Variants in QPCT observed in about 807,000 individuals in gnomAD.
The protein encoded by QPCT is EC.
Under a neutral mutation model 43.4 loss-of-function variants are expected in QPCT, and 44 were observed. The observed-to-expected ratio is 1.01, with a 90% confidence interval of 0.80 to 1.30. The LOEUF is 1.30. Among genes scored for constraint, QPCT ranks in the 50% most tolerant of loss-of-function variants. The pLI is 0.00. For missense variants in QPCT, 526 were observed against 436.5 expected (o/e 1.21, Z -1.83); for synonymous variants, 168 against 168.4 (o/e 1.00, Z 0.02).
chr2:37,359,103 C>T (rs7606760), intron 2 of QPCT, among the ~76,000 whole-genome samples: 20,260 of 152,080 alleles, frequency 0.13, 4,168 homozygotes, highest in African/African-American at 0.44. Flanking sequence ...TTACTATTAC[C>T]GAACTGCATC....
rs1672844490 is a variant in QPCT at position 37,360,763 on chromosome 2, T to G, written c.546+905T>G. ...CCCTCTCAGTCTCCTTTTCACTTCT[T>G]TTTTTTGGTTTGTTTTGTTTTCTGA... On this transcript the variant is annotated intron_variant, in intron 3 of 6. Coordinates refer to ENST00000338415, the MANE Select transcript of QPCT (RefSeq NM_012413.4). 2.0e-5 allele frequency among the ~76,000 whole-genome samples: 3 copies of G among 152,276 alleles called. No individual in the cohort carries two copies. In the South Asian group the frequency reaches 6.2e-4, roughly 32 times the overall value.
intron 3 of QPCT, 25 bp from the exon 4 acceptor site, chr2:37,367,205 CTA>C (rs772419328): frequency 1.3e-6 from 2 of 1,575,014 alleles, no homozygotes; most frequent in African/African-American, 2.7e-5. Flanking sequence ...TATTTTTTTG[CTA>C]TGTTTTTATT....
intron 4 of QPCT, chr2:37,368,594 C>T (rs1287408079): frequency 2.1e-6 from 1 of 471,036 alleles, no homozygotes; most frequent in Non-Finnish European, 4.4e-6. Flanking sequence ...CCTAACACAC[C>T]TCCTGTTGGC....
Position 37,347,442 on chromosome 2 carries a change from T to A in QPCT, c.120+2591T>A, listed in dbSNP as rs191398544. 7.6e-4 allele frequency among the ~76,000 whole-genome samples: 115 copies of A among 151,458 alleles called. No individual in the cohort carries two copies. In the East Asian group the frequency reaches 0.014, roughly 18 times the overall value. ...CTAATGGTAGATGAGTCCTGGCTGA[T>A]GTACCCGGAACAGTGCCCAGGTAGT... On this transcript the variant is annotated intron_variant, in intron 1 of 6. Transcript: ENST00000338415.
intron 3 of QPCT, 151 bp from the exon 4 acceptor site, chr2:37,367,081 G>T (rs956276339): frequency 3.1e-5 from 23 of 737,070 alleles, no homozygotes; most frequent in Non-Finnish European, 4.8e-5. Flanking sequence ...AAGAGGAAGT[G>T]GTGTGGAATA....
chr2:37,364,884 A>G (rs990465447), intron 3 of QPCT, among the ~76,000 whole-genome samples: 1 of 151,594 alleles, frequency 6.6e-6, no homozygotes, highest in Middle Eastern at 3.5e-3. Context: ...ATTTACATGT[A>G]TGTGTGTGTT....
intron 3 of QPCT, 74 bp downstream of exon 3, chr2:37,359,932 T>A: frequency 6.8e-7 from 1 of 1,468,718 alleles, no homozygotes; most frequent in Non-Finnish European, 9.3e-7. Context: ...CTAGAATCCT[T>A]GGAGGAATGA....
intron 4 of QPCT, among the ~76,000 whole-genome samples, chr2:37,369,006 G>A (rs139153753): frequency 0.013 from 2,019 of 152,096 alleles, 11 homozygotes; most frequent in Middle Eastern, 0.024. Context: ...TATCTAATAT[G>A]TGTTAGGATG....
chr2:37,359,325 A>G (rs1045641038), intron 2 of QPCT, among the ~76,000 whole-genome samples: 2 of 152,250 alleles, frequency 1.3e-5, no homozygotes, highest in Non-Finnish European at 2.9e-5. Context: ...AATATTAACA[A>G]TTGGTTGAGA....
intron 3 of QPCT, 145 bp downstream of exon 3, chr2:37,360,003 T>G: frequency 1.1e-6 from 1 of 885,354 alleles, no homozygotes; most frequent in Non-Finnish European, 1.7e-6. Context: ...AATTGTAAGA[T>G]TGCATGATTG....
chr2:37,371,760 T>C (rs1251382020), intron 5 of QPCT, among the ~76,000 whole-genome samples: 1 of 152,182 alleles, frequency 6.6e-6, no homozygotes, highest in African/African-American at 2.4e-5. Flanking sequence ...CACAGATTGC[T>C]GGACTCCAGC....
intron 1 of QPCT, among the ~76,000 whole-genome samples, chr2:37,346,505 T>C (rs1275205808): frequency 6.6e-6 from 1 of 152,168 alleles, no homozygotes; most frequent in Non-Finnish European, 1.5e-5. Context: ...TCTGAAAAGA[T>C]CATTTGTAGG....
chr2:37,351,133 T>C (rs1272471207), intron 1 of QPCT, among the ~76,000 whole-genome samples: 1 of 152,248 alleles, frequency 6.6e-6, no homozygotes, highest in Non-Finnish European at 1.5e-5. Flanking sequence ...ACCAGTCCCA[T>C]GGAGTCGATC....
At chr2:37,371,257 T>C (rs1673067338) in intron 5 of QPCT, among the ~76,000 whole-genome samples, 1 of 151,940 alleles carries the variant, frequency 6.6e-6, no homozygotes, top group East Asian at 1.9e-4. Flanking sequence ...TTTTATTATG[T>C]CCTGTACCAG....
Position 37,372,456 on chromosome 2 carries a change from T to C in QPCT, c.924T>C (p.Ile308=). 6.2e-7 allele frequency: 1 copy of C among 1,613,092 alleles called. No homozygotes were observed. The highest frequency in any genetic ancestry group is 8.5e-7 in the Non-Finnish European group (1 of 1,179,096). ...GAGGTGTGATTCAGGATGACCATAT[T>C]CCATTTTTAAGAAGAGGTAATGTGT... The part of the protein sequence containing the change: ...SYGGVIQDDH[I]PFLRRGVPVL... Residue 308 remains isoleucine (I), a synonymous_variant, in exon 6 of 7, where the codon ATT becomes ATC. Transcript: ENST00000338415.
intron 3 of QPCT, among the ~76,000 whole-genome samples, chr2:37,364,368 A>G (rs1672913937): frequency 6.6e-6 from 1 of 152,204 alleles, no homozygotes; most frequent in South Asian, 2.1e-4. Context: ...ACAAACAGAT[A>G]GGCAGCAGGC....
intron 1 of QPCT, among the ~76,000 whole-genome samples, chr2:37,348,732 G>A (rs1159716882): frequency 6.6e-6 from 1 of 152,196 alleles, no homozygotes; most frequent in African/African-American, 2.4e-5. Flanking sequence ...CTTGCACTCA[G>A]AGCAGACTTA....
chr2:37,370,184 C>A (rs1156585622), intron 5 of QPCT, among the ~76,000 whole-genome samples: 7 of 149,982 alleles, frequency 4.7e-5, no homozygotes, highest in Non-Finnish European at 8.9e-5. Flanking sequence ...GGCGCCATCT[C>A]AAAAAAGAAA....
At chr2:37,364,039 C>T (rs1672907932) in intron 3 of QPCT, among the ~76,000 whole-genome samples, 1 of 152,108 alleles carries the variant, frequency 6.6e-6, no homozygotes, top group South Asian at 2.1e-4. Context: ...TGGCACTGGA[C>T]TTCTCAATAG....
Sources: gnomAD v4.1 joint callset for allele counts (sites outside exome capture counted in the v4.1 genomes callset) on GRCh38, gnomAD v4.1.1 for gene constraint, MANE v1.5 for transcripts, NCBI Gene and HGNC (gene_info 2026-07-23, HGNC 2026-07-21) for gene names.